Variants in STX11 observed in about 807,000 individuals in gnomAD.
STX11 encodes the protein syntaxin 11, also known as syntaxin-11.
A neutral mutation model predicts 19.9 loss-of-function variants in STX11; 21 were observed. The observed-to-expected ratio is 1.06, with a 90% CI of 0.75 to 1.52. The LOEUF is 1.52. Ranked by LOEUF, STX11 falls within the 40% of genes most tolerant of loss-of-function variation. The pLI, the probability that STX11 is intolerant of heterozygous loss-of-function variation, is 0.00. For missense variants in STX11, 438 were observed against 405.9 expected (o/e 1.08, Z -0.68); for synonymous variants, 193 against 174.4 (o/e 1.11, Z -0.84).
chr6:144,142,090 G>A, the STX11 span, among the ~76,000 whole-genome samples: 1 of 151,190 alleles, frequency 6.6e-6, no homozygotes, highest in South Asian at 2.1e-4. Context: ...TTGTTTCCTG[G>A]ACAGTGGACA....
Position 144,169,438 on chromosome 6 carries a change from C to T in STX11, c.-5-17185C>T, listed in dbSNP as rs185262387. ...GATGCTGTGTCTTTTCTAAAATTTC[C>T]GTAACCAGCCTTTTGATTATTTACA... On this transcript the variant is annotated intron_variant, in intron 1 of 1. Coordinates refer to ENST00000367568, the MANE Select transcript of STX11 (RefSeq NM_003764.4). This position sits in a 1 kb window ranked among gnomAD's most constrained non-coding sequence, Gnocchi z 5.2. 2.6e-5 allele frequency among the ~76,000 whole-genome samples: 4 copies of T among 152,236 alleles called. No individual in the cohort carries two copies. The highest frequency in any genetic ancestry group is 4.1e-4 in the South Asian group (2 of 4,826).
chr6:144,166,833 C>A (rs1419161479), intron 1 of STX11, among the ~76,000 whole-genome samples: 1 of 129,636 alleles, frequency 7.7e-6, no homozygotes, highest in Non-Finnish European at 1.7e-5. Context: ...GCCCCACCTT[C>A]CCCCTTTCCC....
At position 144,151,465 on chromosome 6, in the gene STX11, T is replaced by C. The variant is rs919923352; in HGVS notation, c.-6+762T>C. 40 of 981,174 alleles carry C rather than the reference T, an allele frequency of 4.1e-5. No homozygotes were observed. The highest frequency in any genetic ancestry group is 4.7e-5 in the Non-Finnish European group (39 of 826,064). The allele number at this position is 981,174 out of a possible 1,614,324, so 60.8% of individuals were successfully genotyped here. A position where few individuals can be genotyped will look rare whatever the true frequency, so the allele number is the denominator to read the frequency against. On this transcript the variant is annotated intron_variant, in intron 1 of 1. Coordinates refer to ENST00000367568, the MANE Select transcript of STX11 (RefSeq NM_003764.4). This position sits in a 1 kb window ranked among gnomAD's most constrained non-coding sequence, Gnocchi z 4.6. ...ATTGTGAGACTTTGTTAATGAACTTTTGAAAAGCGAGGCTTGCTTTAAAAT... is the reference window on the plus strand; with the variant it reads ...ATTGTGAGACTTTGTTAATGAACTTCTGAAAAGCGAGGCTTGCTTTAAAAT...
the STX11 span, among the ~76,000 whole-genome samples, chr6:144,140,255 T>TA: frequency 0.12 from 3,693 of 30,752 alleles, 215 homozygotes; most frequent in Non-Finnish European, 0.16. Context: ...TATATATATA[T>TA]TTATTTATTT....
rs529763605 is a variant in STX11, at chr6:144,167,852, C to T, written c.-6+17149C>T. The stretch of plus-strand genomic sequence containing the variant: ...CCATGGCTGGTCTTGAACTCCTTGA[C>T]TCAAACAGCCTGCCTGCCTAAGCCT... On this transcript the variant is annotated intron_variant, in intron 1 of 1. Coordinates refer to ENST00000367568, the MANE Select transcript of STX11 (RefSeq NM_003764.4). The surrounding 1 kb of genome is among the most constrained non-coding windows in gnomAD (Gnocchi z 5.0). Among the ~76,000 whole-genome samples, 24 of 152,280 alleles carry T rather than the reference C, an allele frequency of 1.6e-4. No homozygotes were observed. The South Asian group carries it at 4.8e-3, about 30-fold the overall frequency.
In STX11 at chr6:144,174,465, G is replaced by A. The variant is rs1391756109; in HGVS notation, c.-5-12158G>A. On this transcript the variant is annotated intron_variant, in intron 1 of 1. Coordinates refer to ENST00000367568, the MANE Select transcript of STX11 (RefSeq NM_003764.4). This position sits in a 1 kb window ranked among gnomAD's most constrained non-coding sequence, Gnocchi z 5.3. The stretch of plus-strand genomic sequence containing the variant: ...GCTTACTGCAACCTCTGCATCCCAG[G>A]TTCAAGCGATCTTCCAGCCTTAGCC... 3.3e-5 allele frequency among the ~76,000 whole-genome samples: 5 copies of A among 152,112 alleles called. No homozygotes were observed. The East Asian group carries it at 9.6e-4, about 29-fold the overall frequency.
Position 144,187,107 on chromosome 6 carries a change from C to T in STX11, c.480C>T (p.Arg160=). 1 of 1,613,900 alleles carries T rather than the reference C, an allele frequency of 6.2e-7. No individual in the cohort carries two copies. Residue 160 remains arginine, a synonymous_variant, in exon 2 of 2, where the codon CGC becomes CGT. Coordinates refer to ENST00000367568, the MANE Select transcript of STX11 (RefSeq NM_003764.4). This position sits in a 1 kb window ranked among gnomAD's most constrained non-coding sequence, Gnocchi z 5.6. ...AGCAGCGCGACAACTGCAAGATCCG[C>T]ATCCAGCGCCAGCTGGAGATCATGG... ...EMKQRDNCKI[R]IQRQLEIMGK... is the part of the protein sequence containing the mutation.
chr6:144,181,510 A>G (rs1801910325), intron 1 of STX11, among the ~76,000 whole-genome samples: 2 of 147,820 alleles, frequency 1.4e-5, no homozygotes, highest in Admixed American at 7.1e-5. Context: ...CAGGAGAATC[A>G]CTTGAACCCG....
At chr6:144,143,541 T>A in the STX11 span, among the ~76,000 whole-genome samples, 26 of 152,110 alleles carry the variant, frequency 1.7e-4, no homozygotes, top group African/African-American at 6.0e-4. Flanking sequence ...GAAGACCACC[T>A]TAGAGGAATT....
At chr6:144,166,506 GTTTC>G (rs1236083382) in intron 1 of STX11, among the ~76,000 whole-genome samples, 1 of 135,066 alleles carries the variant, frequency 7.4e-6, no homozygotes, top group African/African-American at 2.7e-5. Context: ...CTTTCTTTCT[GTTTC>G]TTTTCTTTTC....
rs772204700 is a variant in STX11, at chr6:144,187,257, C to T, written c.630C>T (p.Arg210=). The T allele has an allele frequency of 6.2e-6, 10 of 1,613,734 alleles. No homozygotes were observed. In the South Asian group the frequency reaches 8.8e-5, roughly 14 times the overall value. Residue 210 remains arginine (R), a synonymous_variant, in exon 2 of 2, where the codon CGC becomes CGT. Coordinates refer to ENST00000367568, the MANE Select transcript of STX11 (RefSeq NM_003764.4). This position sits in a 1 kb window ranked among gnomAD's most constrained non-coding sequence, Gnocchi z 5.6. ...CCGCCCTCAACGAGATCGAGAGCCGCCACCGCGAACTGCTGCGCCTGGAGA... is the reference window on the plus strand; with the variant it reads ...CCGCCCTCAACGAGATCGAGAGCCGTCACCGCGAACTGCTGCGCCTGGAGA... ...ARAALNEIES[R]HRELLRLESR... is the part of the protein sequence containing the mutation.
chr6:144,168,927 T>C (rs1801554114), intron 1 of STX11, among the ~76,000 whole-genome samples: 1 of 152,256 alleles, frequency 6.6e-6, no homozygotes, highest in Admixed American at 6.5e-5. Flanking sequence ...GAATTTCCAC[T>C]GGAGGATGAG....
At chr6:144,141,653 T>TTTGTTGTTGTTGTTG in the STX11 span, among the ~76,000 whole-genome samples, 1 of 150,354 alleles carries the variant, frequency 6.7e-6, no homozygotes, top group African/African-American at 2.5e-5. Flanking sequence ...TATTTTCAGT[T>TTTGTTGTTGTTGTTG]TTGTTGTTGT....
rs1208718453 is a variant in STX11 at position 144,177,634 on chromosome 6, C to T, written c.-5-8989C>T. Reference sequence around the variant, plus strand: ...GTGTGGTGGTGCACACCTGTAATCCCAGCTACTCAGGAGGCTGAGGCAGGA... The same window carrying T: ...GTGTGGTGGTGCACACCTGTAATCCTAGCTACTCAGGAGGCTGAGGCAGGA... On this transcript the variant is annotated intron_variant, in intron 1 of 1. Coordinates refer to ENST00000367568, the MANE Select transcript of STX11 (RefSeq NM_003764.4). This position sits in a 1 kb window ranked among gnomAD's most constrained non-coding sequence, Gnocchi z 4.4. Among the ~76,000 whole-genome samples the T allele has an allele frequency of 6.6e-6, 1 of 152,170 alleles. No homozygotes were observed. Among genetic ancestry groups the T allele is most frequent in the African/African-American group, 2.4e-5 (1 of 41,432 alleles).
chr6:144,188,806 A>C lies in STX11; in HGVS notation c.*1315A>C, dbSNP rs1802139014. ...CAGTGGCAGGATCTTGGCTCATTGC[A>C]ACCTCTGTCTCCCAGGTTCGAGCGA... On this transcript the variant is annotated 3_prime_UTR_variant, in exon 2 of 2. Coordinates refer to ENST00000367568, the MANE Select transcript of STX11 (RefSeq NM_003764.4). Among the ~76,000 whole-genome samples the C allele has an allele frequency of 2.1e-5, 3 of 142,152 alleles. No homozygotes were observed. Among genetic ancestry groups the C allele is most frequent in the African/African-American group, 8.1e-5 (3 of 37,110 alleles). The allele number at this position is 142,152 out of a possible 152,430, so 93.3% of individuals were successfully genotyped here.
chr6:144,168,923 C>G (rs940753237), intron 1 of STX11, among the ~76,000 whole-genome samples: 1 of 152,190 alleles, frequency 6.6e-6, no homozygotes, highest in South Asian at 2.1e-4. Flanking sequence ...ATGAGAATTT[C>G]CACTGGAGGA....
rs780990510 is a variant in STX11, at chr6:144,186,972, G to A, written c.345G>A (p.Glu115=). ...RAMKELSEAA[E]AQHGPHSAVA... Reference sequence around the variant, plus strand: ...TGAAGGAGCTGAGCGAGGCGGCTGAGGCCCAGCACGGCCCGCACTCGGCAG... The same window carrying A: ...TGAAGGAGCTGAGCGAGGCGGCTGAAGCCCAGCACGGCCCGCACTCGGCAG... The change falls in exon 2 of 2, where the codon GAG becomes GAA. Residue 115 remains glutamate (E), a synonymous_variant. Transcript: ENST00000367568. 7.5e-6 allele frequency: 12 copies of A among 1,608,850 alleles called. No individual in the cohort carries two copies. The South Asian group carries it at 1.2e-4, about 16-fold the overall frequency.
intron 1 of STX11, among the ~76,000 whole-genome samples, chr6:144,161,959 T>C (rs1433423855): frequency 1.3e-5 from 2 of 152,232 alleles, no homozygotes; most frequent in East Asian, 3.8e-4. Flanking sequence ...CTGTAAGATA[T>C]AGCTCAGTGT....
intron 1 of STX11, among the ~76,000 whole-genome samples, chr6:144,156,555 T>C (rs1000173871): frequency 6.6e-6 from 1 of 152,240 alleles, no homozygotes; most frequent in African/African-American, 2.4e-5. Flanking sequence ...AATAGTGAAA[T>C]AGCTCTGTTT....
Sources: allele counts gnomAD v4.1 joint callset (sites outside exome capture counted in the v4.1 genomes callset), GRCh38; gene constraint gnomAD v4.1.1; non-coding constraint Gnocchi (gnomAD v3.1); transcripts MANE v1.5; gene names NCBI Gene and HGNC (gene_info 2026-07-23, HGNC 2026-07-21).